Variants in ANKRD46 observed in about 807,000 individuals in gnomAD.
ANKRD46 encodes the protein ankyrin repeat domain-containing protein 46.
In ANKRD46, 13 loss-of-function variants were observed where a neutral mutation model predicts 19.8. The observed-to-expected ratio is 0.66, with a 90% CI of 0.43 to 1.04. The LOEUF (loss-of-function observed/expected upper bound fraction) is 1.04, where lower values mean the gene tolerates loss of function less well. Ranked by LOEUF, ANKRD46 falls within the 50% of genes least tolerant of loss-of-function variation. ANKRD46 has a pLI of 0.00. For synonymous variants in ANKRD46, 91 were observed against 106.9 expected, an observed-to-expected ratio of 0.85 and a Z score of 0.92; for missense variants, 185 against 274.8, an observed-to-expected ratio of 0.67 and a Z score of 2.31.
At position 100,527,768 on chromosome 8, in the gene ANKRD46, G is replaced by A. The variant is rs931422510; in HGVS notation, c.470+77C>T. Reference sequence around the variant, plus strand: ...TAGTCCCAGCTAGTCAGGAGGCTGAGGCAGGAAGAATGCTTGAGCCCAGGA... The same window carrying A: ...TAGTCCCAGCTAGTCAGGAGGCTGAAGCAGGAAGAATGCTTGAGCCCAGGA... On this transcript the variant is annotated intron_variant, in intron 4 of 4. Transcript: ENST00000335659. The surrounding 1 kb of genome is among the most constrained non-coding windows in gnomAD (Gnocchi z 4.0). 2.7e-6 allele frequency: 4 copies of A among 1,467,932 alleles called. No individual in the cohort carries two copies. Among genetic ancestry groups the A allele is most frequent in the Non-Finnish European group, 3.7e-6 (4 of 1,095,720 alleles). 90.9% of individuals were successfully genotyped at this position (1,467,932 alleles called of 1,614,324 possible).
intron 1 of ANKRD46, chr8:100,558,911 A>G (rs1248524194): frequency 6.6e-6 from 1 of 152,214 alleles, no homozygotes; most frequent in Non-Finnish European, 1.5e-5. Flanking sequence ...AGCACTGAAA[A>G]TAGCTATTAC....
rs1812226355 is a variant in ANKRD46 at position 100,544,119 on chromosome 8, C to G, written c.-130-10808G>C. Among the ~76,000 whole-genome samples the G allele has an allele frequency of 6.6e-6, 1 of 152,108 alleles. No homozygotes were observed. Among genetic ancestry groups the G allele is most frequent in the Admixed American group, 6.6e-5 (1 of 15,264 alleles). ...TTGCCTTACACTTTAGGAAATATTT[C>G]TCATTTATTCTCTCAATCTCTCCCT... is the stretch of plus-strand genomic sequence containing the variant. On this transcript the variant is annotated intron_variant, in intron 1 of 4. Transcript: ENST00000335659. This position sits in a 1 kb window ranked among gnomAD's most constrained non-coding sequence, Gnocchi z 4.4.
intron 1 of ANKRD46, chr8:100,554,600 G>T (rs932529012): frequency 3.3e-5 from 5 of 152,048 alleles, no homozygotes; most frequent in African/African-American, 1.2e-4. Flanking sequence ...GTGCGTGCGT[G>T]CCTGTTGTCC....
chr8:100,528,517 C>CT (rs775087189), intron 3 of ANKRD46, among the ~76,000 whole-genome samples: 5,563 of 126,382 alleles, frequency 0.044, 318 homozygotes, highest in African/African-American at 0.13. Context: ...CCTTGTTTTT[C>CT]TTTTTTTTTT....
At position 100,546,546 on chromosome 8, in the gene ANKRD46, A is replaced by G. The variant is rs1272597443; in HGVS notation, c.-131+13165T>C. 1.3e-5 allele frequency among the ~76,000 whole-genome samples: 2 copies of G among 152,256 alleles called. No homozygotes were observed. Among genetic ancestry groups the G allele is most frequent in the Non-Finnish European group, 2.9e-5 (2 of 68,046 alleles). ...TATGGAAATTCCTGGATGTCCAGAC[A>G]GAAGTCTGCTACAGGGGCAGAGCCC... On this transcript the variant is annotated intron_variant, in intron 1 of 4. Coordinates refer to ENST00000335659, the MANE Select transcript of ANKRD46 (RefSeq NM_001270377.2). The surrounding 1 kb of genome is among the most constrained non-coding windows in gnomAD (Gnocchi z 4.0).
rs1032308645 is a variant in ANKRD46 at position 100,529,229 on chromosome 8, C to G, written c.311+294G>C. ...GCTAACAAGTAAACACAGTCTAGCT[C>G]ATAGATTTTCAACAAATGTTCTTTT... On this transcript the variant is annotated intron_variant, in intron 3 of 4. Transcript: ENST00000335659. The surrounding 1 kb of genome is among the most constrained non-coding windows in gnomAD (Gnocchi z 5.8). 2.6e-5 allele frequency among the ~76,000 whole-genome samples: 4 copies of G among 152,202 alleles called. No individual in the cohort carries two copies. The highest frequency in any genetic ancestry group is 9.6e-5 in the African/African-American group (4 of 41,460).
rs1812278983 is a variant in ANKRD46, at chr8:100,546,668, A to G, written c.-131+13043T>C. 6.6e-6 allele frequency among the ~76,000 whole-genome samples: 1 copy of G among 152,216 alleles called. No individual in the cohort carries two copies. Among genetic ancestry groups the G allele is most frequent in the African/African-American group, 2.4e-5 (1 of 41,454 alleles). ...TGGAGTGCTGCCTAGTGGAGCTATG[A>G]GAAAAGGGCCACTGTCCTCCAGACC... On this transcript the variant is annotated intron_variant, in intron 1 of 4. Transcript: ENST00000335659. This position sits in a 1 kb window ranked among gnomAD's most constrained non-coding sequence, Gnocchi z 4.0.
In ANKRD46 at chr8:100,520,850, C is replaced by A. The variant is rs769181302; in HGVS notation, c.*1705G>T. 4.1e-6 allele frequency: 4 copies of A among 983,994 alleles called. No individual in the cohort carries two copies. Among genetic ancestry groups the A allele is most frequent in the Middle Eastern group, 5.2e-4 (1 of 1,930 alleles). 61.0% of individuals were successfully genotyped at this position (983,994 alleles called of 1,614,324 possible). ...AGAACAGAATACAAAGAAATCAGCACATAAAAGGAACCATTAATCTTTAAA... is the reference window on the plus strand; with the variant it reads ...AGAACAGAATACAAAGAAATCAGCAAATAAAAGGAACCATTAATCTTTAAA... On this transcript the variant is annotated 3_prime_UTR_variant, in exon 5 of 5. Coordinates refer to ENST00000335659, the MANE Select transcript of ANKRD46 (RefSeq NM_001270377.2).
rs1267971087 is a variant in ANKRD46 at position 100,524,389 on chromosome 8, AT to A, written c.471-1619del. Among the ~76,000 whole-genome samples the A allele has an allele frequency of 3.3e-5, 5 of 152,054 alleles. No homozygotes were observed. The highest frequency in any genetic ancestry group is 1.2e-4 in the African/African-American group (5 of 41,406). ...CTGACATTTTTTAACCTACAACTTT[AT>A]TTTACTTCTTGATACCATCAAACAA... On this transcript the variant is annotated intron_variant, in intron 4 of 4. Transcript: ENST00000335659. This position sits in a 1 kb window ranked among gnomAD's most constrained non-coding sequence, Gnocchi z 4.3.
chr8:100,528,495 T>C (rs1811888221), intron 3 of ANKRD46, among the ~76,000 whole-genome samples: 1 of 151,478 alleles, frequency 6.6e-6, no homozygotes, highest in Non-Finnish European at 1.5e-5. Flanking sequence ...TGTAGCTGAA[T>C]TTTGAATTAA....
In ANKRD46 at chr8:100,540,192, G is replaced by A. The variant is rs566544785; in HGVS notation, c.-130-6881C>T. On this transcript the variant is annotated intron_variant, in intron 1 of 4. Transcript: ENST00000335659. ...CATACTATCACTATACTCATTTCAT[G>A]AGTAAAAAAAAAAAAGTCACTAAGT... 2.9e-4 allele frequency among the ~76,000 whole-genome samples: 33 copies of A among 113,120 alleles called. No individual in the cohort carries two copies. In the South Asian group the frequency reaches 8.8e-3, roughly 30 times the overall value. The allele number at this position is 113,120 out of a possible 152,430, so 74.2% of individuals were successfully genotyped here. A position where few individuals can be genotyped will look rare whatever the true frequency, so the allele number is the denominator to read the frequency against.
At chr8:100,512,590 G>T (rs1811564649) in intron 5 of ANKRD46, among the ~76,000 whole-genome samples, 1 of 152,068 alleles carries the variant, frequency 6.6e-6, no homozygotes, top group Admixed American at 6.6e-5. Context: ...ACAGTTCTAG[G>T]GTCTTATAGT....
In ANKRD46 at chr8:100,533,756, T is replaced by C. The variant is rs1446193342; in HGVS notation, c.-130-445A>G. On this transcript the variant is annotated intron_variant, in intron 1 of 4. Transcript: ENST00000335659. Reference sequence around the variant, plus strand: ...AATAAGTTTAAAAAGCCAATACTTATATTTAAACCAAACAGGATACATTTA... The same window carrying C: ...AATAAGTTTAAAAAGCCAATACTTACATTTAAACCAAACAGGATACATTTA... Among the ~76,000 whole-genome samples the C allele has an allele frequency of 4.6e-5, 7 of 152,380 alleles. No individual in the cohort carries two copies. The East Asian group carries it at 5.8e-4, about 13-fold the overall frequency.
At chr8:100,551,394 C>A (rs1812387111) in intron 1 of ANKRD46, 2 of 605,018 alleles carry the variant, frequency 3.3e-6, no homozygotes, top group South Asian at 1.5e-5. Flanking sequence ...TGAGCCCCAG[C>A]CTTCTCTATG....
intron 1 of ANKRD46, among the ~76,000 whole-genome samples, chr8:100,547,055 C>T (rs1360091532): frequency 6.6e-6 from 1 of 152,180 alleles, no homozygotes; most frequent in African/African-American, 2.4e-5. Flanking sequence ...TGCCTTGTCT[C>T]AGATGAGACT....
Position 100,529,824 on chromosome 8 carries a change from C to G in ANKRD46, c.10G>C (p.Val4Leu), listed in dbSNP as rs965720460. ...GTCTGAGAAGAATCATTTACAAAAA[C>G]ATACGACATTGTTCTGATGTGGTGG... is the stretch of plus-strand genomic sequence containing the variant. MSY[V>L]FVNDSSQTNV... The change falls in exon 3 of 5, where the codon GTT becomes CTT. Residue 4 changes from valine (V) to leucine (L), a missense_variant. By Grantham distance (32) the Val-to-Leu change is conservative (BLOSUM62 1). Coordinates refer to ENST00000335659, the MANE Select transcript of ANKRD46 (RefSeq NM_001270377.2). This position sits in a 1 kb window ranked among gnomAD's most constrained non-coding sequence, Gnocchi z 5.8. 5.6e-6 allele frequency: 9 copies of G among 1,613,990 alleles called. No individual in the cohort carries two copies. Among genetic ancestry groups the G allele is most frequent in the Non-Finnish European group, 7.6e-6 (9 of 1,179,900 alleles).
At chr8:100,552,489 TCTAC>T (rs2130706888) in intron 1 of ANKRD46, among the ~76,000 whole-genome samples, 1 of 152,314 alleles carries the variant, frequency 6.6e-6, no homozygotes, top group South Asian at 2.1e-4. Flanking sequence ...ATGTCCCCTG[TCTAC>T]CTAGACTCCA....
In ANKRD46 at chr8:100,546,421, G is replaced by A. The variant is rs899041654; in HGVS notation, c.-130-13110C>T. ...CTCAGACCATTGCTTCAGAGGGTGCGGGCCCCAAGCCTTGGCAGCTTCCAT... is the reference window on the plus strand; with the variant it reads ...CTCAGACCATTGCTTCAGAGGGTGCAGGCCCCAAGCCTTGGCAGCTTCCAT... On this transcript the variant is annotated intron_variant, in intron 1 of 4. Transcript: ENST00000335659. The surrounding 1 kb of genome is among the most constrained non-coding windows in gnomAD (Gnocchi z 4.0). 6.6e-5 allele frequency among the ~76,000 whole-genome samples: 10 copies of A among 152,248 alleles called. No individual in the cohort carries two copies. Among genetic ancestry groups the A allele is most frequent in the Admixed American group, 3.9e-4 (6 of 15,286 alleles).
At chr8:100,538,464 T>A (rs1812108491) in intron 1 of ANKRD46, among the ~76,000 whole-genome samples, 1 of 152,154 alleles carries the variant, frequency 6.6e-6, no homozygotes, top group Non-Finnish European at 1.5e-5. Flanking sequence ...TTATTTAAAG[T>A]ATATGGAAAG....
Sources: allele counts gnomAD v4.1 joint callset (sites outside exome capture counted in the v4.1 genomes callset), GRCh38; gene constraint gnomAD v4.1.1; non-coding constraint Gnocchi (gnomAD v3.1); transcripts MANE v1.5; gene names NCBI Gene and HGNC (gene_info 2026-07-23, HGNC 2026-07-21).